LAMA4: variants seen among roughly 807,000 people sequenced by gnomAD.
The protein encoded by LAMA4 is laminin subunit alpha 4.
Under a neutral mutation model 207.1 loss-of-function variants are expected in LAMA4, and 127 were observed. That is an observed-to-expected ratio of 0.61 (90% CI 0.53 to 0.71). The LOEUF (loss-of-function observed/expected upper bound fraction) is 0.71. LAMA4 is among the 30% of genes least tolerant of loss of function. The pLI is 0.00. For missense variants in LAMA4, 2,093 were observed against 2,246.5 expected (o/e 0.93, Z 1.38); for synonymous variants, 761 against 816.0 (o/e 0.93, Z 1.15).
At chr6:112,120,007 C>T (rs1477032421) in intron 33 of LAMA4, among the ~76,000 whole-genome samples, 6 of 152,144 alleles carry the variant, frequency 3.9e-5, no homozygotes, top group African/African-American at 1.4e-4. Flanking sequence ...AACCTATTGG[C>T]AGTAGAAAAT....
In LAMA4 at chr6:112,119,313, T is replaced by C; in HGVS notation, c.4666-2A>G. 6.2e-7 allele frequency: 1 copy of C among 1,613,628 alleles called. No homozygotes were observed. The highest frequency in any genetic ancestry group is 1.1e-5 in the South Asian group (1 of 91,084). On this transcript the variant is annotated splice_acceptor_variant, in intron 33 of 38. Transcript: ENST00000230538. LOFTEE classifies it high-confidence loss of function. Reference sequence around the variant, plus strand: ...GCTCCTTTCTCGAATAAATATCACCTGGATGAAGAGAAGGACAATAGCACA... The same window carrying C: ...GCTCCTTTCTCGAATAAATATCACCCGGATGAAGAGAAGGACAATAGCACA...
chr6:112,185,352 A>C lies in LAMA4; in HGVS notation c.967-5T>G, dbSNP rs863223692. On this transcript the variant is annotated splice_polypyrimidine_tract_variant and splice_region_variant and intron_variant, in intron 8 of 38. Transcript: ENST00000230538. ...TTCTCTTTCTGACAATTTTGTCTGC[A>C]GAAGAATGTGTTTTGAGAATAGTCA... 7.1e-6 allele frequency: 11 copies of C among 1,549,316 alleles called. No homozygotes were observed. In the East Asian group the frequency reaches 2.2e-4, roughly 32 times the overall value.
At chr6:112,136,276 A>G (rs1395787701) in intron 24 of LAMA4, 22 bp from the exon 25 acceptor site, 1 of 1,586,232 alleles carries the variant, frequency 6.3e-7, no homozygotes, top group Non-Finnish European at 8.6e-7. Context: ...AAGGAATTGT[A>G]AGATAGGAAC....
At chr6:112,132,411 G>A (rs901321320) in intron 28 of LAMA4, among the ~76,000 whole-genome samples, 5 of 152,018 alleles carry the variant, frequency 3.3e-5, no homozygotes, top group Admixed American at 1.3e-4. Flanking sequence ...ACAGGTACTG[G>A]TAATACTACT....
chr6:112,162,708 T>C (rs1350569275), intron 13 of LAMA4, among the ~76,000 whole-genome samples: 1 of 152,134 alleles, frequency 6.6e-6, no homozygotes, highest in Admixed American at 6.5e-5. Context: ...TGTGACTTTA[T>C]TACAGTCGTA....
intron 3 of LAMA4, among the ~76,000 whole-genome samples, chr6:112,211,198 C>T (rs1377455030): frequency 6.6e-6 from 1 of 152,166 alleles, no homozygotes; most frequent in African/African-American, 2.4e-5. Flanking sequence ...CTGGATTACA[C>T]TCTGACAAGC....
chr6:112,230,132 A>G (rs1785460225), intron 2 of LAMA4, among the ~76,000 whole-genome samples: 1 of 152,220 alleles, frequency 6.6e-6, no homozygotes, highest in Non-Finnish European at 1.5e-5. Flanking sequence ...TGCCATTTTA[A>G]GAAATGTCCA....
chr6:112,244,020 T>C (rs1378361779), intron 2 of LAMA4, among the ~76,000 whole-genome samples: 1 of 152,082 alleles, frequency 6.6e-6, no homozygotes, highest in Non-Finnish European at 1.5e-5. Context: ...ATTGCACCAC[T>C]GCACCCCAGC....
chr6:112,243,323 T>C (rs1329439346), intron 2 of LAMA4, among the ~76,000 whole-genome samples: 2 of 152,132 alleles, frequency 1.3e-5, no homozygotes. Context: ...TCTTTCAGGC[T>C]CTGGACTCTT....
At position 112,136,691 on chromosome 6, in the gene LAMA4, C is replaced by CAAA. The variant is rs57602663; in HGVS notation, c.3283-440_3283-438dup. 1.3e-3 allele frequency among the ~76,000 whole-genome samples: 158 copies of CAAA among 118,136 alleles called. 2 individuals carry two copies. Among genetic ancestry groups the CAAA allele is most frequent in the East Asian group, 2.2e-3 (10 of 4,512 alleles). 77.5% of individuals were successfully genotyped at this position (118,136 alleles called of 152,430 possible). The stretch of plus-strand genomic sequence containing the variant: ...TGGGCTACAGAACGAGACTCTGTCT[C>CAAA]AAAAAAAAAAAAAAAAAGTGACAAC... On this transcript the variant is annotated intron_variant, in intron 24 of 38. Transcript: ENST00000230538.
rs1056662211 is a variant in LAMA4 at position 112,130,056 on chromosome 6, G to C, written c.3969-16C>G. 3 of 1,609,764 alleles carry C rather than the reference G, an allele frequency of 1.9e-6. No individual in the cohort carries two copies. Among genetic ancestry groups the C allele is most frequent in the African/African-American group, 1.3e-5 (1 of 74,772 alleles). ...CAGTTCATATCTGCAAAAGAAAAAG[G>C]CTTCTTTACATACCACAGAGCTAGC... is the stretch of plus-strand genomic sequence containing the variant. On this transcript the variant is annotated splice_polypyrimidine_tract_variant and intron_variant, in intron 29 of 38. Coordinates refer to ENST00000230538, the MANE Select transcript of LAMA4 (RefSeq NM_001105206.3).
intron 2 of LAMA4, among the ~76,000 whole-genome samples, chr6:112,228,730 C>T (rs551315253): frequency 1.3e-5 from 2 of 152,296 alleles, no homozygotes; most frequent in Admixed American, 1.3e-4. Context: ...CCTGAACAGC[C>T]GTGCTGAGGC....
chr6:112,243,315 T>C (rs6926573), intron 2 of LAMA4, among the ~76,000 whole-genome samples: 123,099 of 152,018 alleles, frequency 0.81, 50,100 homozygotes, highest in Admixed American at 0.87. Context: ...CCTGTGTTTC[T>C]TTCAGGCTCT....
rs1444818490 is a variant in LAMA4, at chr6:112,254,544, C to G, written c.-227G>C. On this transcript the variant is annotated 5_prime_UTR_variant, in exon 1 of 39. Transcript: ENST00000230538. ...CTCCCTGGCCGTTCGGGACTGGGGA[C>G]TGCGCTGTCCTGGCTTCCTTCTCAC... 6.2e-6 allele frequency: 2 copies of G among 321,786 alleles called. No individual in the cohort carries two copies. Among genetic ancestry groups the G allele is most frequent in the Non-Finnish European group, 6.0e-6 (1 of 167,750 alleles). 19.9% of individuals were successfully genotyped at this position (321,786 alleles called of 1,614,324 possible).
At chr6:112,234,128 G>A (rs934989688) in intron 2 of LAMA4, 2 of 152,184 alleles carry the variant, frequency 1.3e-5, no homozygotes, top group South Asian at 2.1e-4. Flanking sequence ...TTATACATAG[G>A]AAGAACGTCA....
intron 2 of LAMA4, among the ~76,000 whole-genome samples, chr6:112,242,325 A>G (rs546267671): frequency 1.3e-5 from 2 of 152,288 alleles, no homozygotes; most frequent in African/African-American, 2.4e-5. Context: ...TCTGAAGTAC[A>G]CATTTTCAGG....
intron 9 of LAMA4, among the ~76,000 whole-genome samples, chr6:112,182,132 A>G (rs1320376966): frequency 2.7e-4 from 36 of 135,508 alleles, no homozygotes; most frequent in African/African-American, 9.7e-4. Flanking sequence ...AAATAAATAA[A>G]TATTATATAC....
intron 36 of LAMA4, among the ~76,000 whole-genome samples, chr6:112,115,225 A>G (rs1366999726): frequency 6.6e-6 from 1 of 152,166 alleles, no homozygotes; most frequent in Non-Finnish European, 1.5e-5. Context: ...ATAGTACCCA[A>G]CAAATAGTAA....
At chr6:112,228,985 A>C (rs556413836) in intron 2 of LAMA4, among the ~76,000 whole-genome samples, 1 of 152,198 alleles carries the variant, frequency 6.6e-6, no homozygotes, top group Non-Finnish European at 1.5e-5. Context: ...AGATGTGCGA[A>C]GTGATACCTG....
Sources: gnomAD v4.1 joint callset for allele counts (sites outside exome capture counted in the v4.1 genomes callset) on GRCh38, gnomAD v4.1.1 for gene constraint, MANE v1.5 for transcripts, NCBI Gene and HGNC (gene_info 2026-07-23, HGNC 2026-07-21) for gene names.